Variants in BRF1 observed in about 807,000 individuals in gnomAD.
BRF1 encodes BRF1 general transcription factor IIIB subunit, also known as transcription factor IIIB 90 kDa subunit.
In BRF1, 59 loss-of-function variants were observed where a neutral mutation model predicts 81.7. The ratio of observed to expected loss-of-function variants is 0.72; its 90% CI spans 0.59 to 0.90. The LOEUF (loss-of-function observed/expected upper bound fraction) is 0.90. Among genes scored for constraint, BRF1 ranks in the 40% least tolerant of loss-of-function variants. BRF1 has a pLI of 0.00. For missense variants in BRF1, 1,050 were observed against 936.3 expected (o/e 1.12, Z -1.58); for synonymous variants, 491 against 395.6 (o/e 1.24, Z -2.86).
At chr14:105,249,231 C>T (rs1344353727) in intron 5 of BRF1, 1 of 1,583,658 alleles carries the variant, frequency 6.3e-7, no homozygotes. Flanking sequence ...GCGACCAGGA[C>T]GGTGCCCGCC....
intron 3 of BRF1, among the ~76,000 whole-genome samples, chr14:105,266,648 C>T (rs1271422895): frequency 3.3e-5 from 5 of 152,122 alleles, no homozygotes; most frequent in South Asian, 2.1e-4. Context: ...AAACACCCCT[C>T]CCAGGACAGG....
intron 15 of BRF1, among the ~76,000 whole-genome samples, chr14:105,214,970 C>T (rs758095767): frequency 2.0e-5 from 3 of 152,236 alleles, no homozygotes; most frequent in South Asian, 4.1e-4. Context: ...CCCCTCTCCC[C>T]TGCCCCGCTG....
intron 9 of BRF1, 33 bp downstream of exon 9, chr14:105,226,218 C>G (rs763009684): frequency 6.2e-7 from 1 of 1,613,960 alleles, no homozygotes; most frequent in Non-Finnish European, 8.5e-7. Flanking sequence ...CCCAACAAAA[C>G]AGAAGCATTA....
intron 1 of BRF1, 83 bp from the exon 2 acceptor site, chr14:105,286,459 T>G: frequency 7.0e-7 from 1 of 1,420,598 alleles, no homozygotes; most frequent in Non-Finnish European, 9.7e-7. Context: ...AGACACAAAG[T>G]GAGAACAAAG....
intron 3 of BRF1, among the ~76,000 whole-genome samples, chr14:105,260,923 C>G (rs1313756102): frequency 6.6e-6 from 1 of 152,210 alleles, no homozygotes. Flanking sequence ...CTACTAATGC[C>G]TTTGGGGCCC....
chr14:105,241,774 A>C (rs1456159639), intron 5 of BRF1: 1 of 287,288 alleles, frequency 3.5e-6, no homozygotes, highest in Non-Finnish European at 6.9e-6. Context: ...GGGGACTCTT[A>C]GAGCAAGACA....
chr14:105,274,353 G>GCCGGTCCCCTGGC (rs1401810121), intron 2 of BRF1, among the ~76,000 whole-genome samples: 1 of 152,164 alleles, frequency 6.6e-6, no homozygotes, highest in Non-Finnish European at 1.5e-5. Flanking sequence ...TATGCTGAGT[G>GCCGGTCCCCTGGC]CCGGTCCCCT....
upstream of BRF1, among the ~76,000 whole-genome samples, chr14:105,302,217 T>C (rs1160998774): frequency 6.6e-6 from 1 of 150,820 alleles, no homozygotes; most frequent in Non-Finnish European, 1.5e-5. Flanking sequence ...TTTTTTTTTT[T>C]TTTGAGACGG....
rs1441970236 is a variant in BRF1 at position 105,228,929 on chromosome 14, A to G, written c.695-16T>C. 6.2e-7 allele frequency: 1 copy of G among 1,612,530 alleles called. No individual in the cohort carries two copies. The highest frequency in any genetic ancestry group is 1.3e-5 in the African/African-American group (1 of 75,030). On this transcript the variant is annotated splice_polypyrimidine_tract_variant and intron_variant, in intron 6 of 17. Coordinates refer to ENST00000547530, the MANE Select transcript of BRF1 (RefSeq NM_001519.4). ...ACCAGGAGCGCTGGAAGGCAACGAG[A>G]CGGGCCTCGTCAACCACGGCTGGGA...
At chr14:105,250,417 C>A in intron 5 of BRF1, 1 of 1,613,938 alleles carries the variant, frequency 6.2e-7, no homozygotes, top group Non-Finnish European at 8.5e-7. Flanking sequence ...TGGCTCAGAA[C>A]TTGACCAAGT....
chr14:105,288,993 G>A (rs1012797249), intron 1 of BRF1, among the ~76,000 whole-genome samples: 1 of 145,676 alleles, frequency 6.9e-6, no homozygotes, highest in South Asian at 2.3e-4. Context: ...CTGAGATCGT[G>A]CCACTGCACT....
chr14:105,308,921 C>T (rs2058269842), intron 1 of BRF1, among the ~76,000 whole-genome samples: 1 of 152,030 alleles, frequency 6.6e-6, no homozygotes, highest in Admixed American at 6.6e-5. Context: ...CTACAGTGAG[C>T]CATGATGGCA....
At chr14:105,264,335 G>C (rs769238358) in intron 3 of BRF1, among the ~76,000 whole-genome samples, 7 of 151,434 alleles carry the variant, frequency 4.6e-5, no homozygotes, top group Non-Finnish European at 1.0e-4. Context: ...AGGAGTTCAA[G>C]ACCAGCCTGG....
intron 12 of BRF1, chr14:105,219,678 A>G: frequency 2.5e-6 from 1 of 401,756 alleles, no homozygotes; most frequent in Non-Finnish European, 4.5e-6. Context: ...AACTGCAAAG[A>G]GCTGGTCCCA....
At chr14:105,304,719 G>T (rs55757119), upstream of BRF1, among the ~76,000 whole-genome samples, 14,857 of 152,264 alleles carry the variant, frequency 0.098, 966 homozygotes, top group Non-Finnish European at 0.14. Flanking sequence ...GTAGTTCCAC[G>T]TGGCTGCAGA....
At chr14:105,304,888 G>A (rs1447631846), upstream of BRF1, among the ~76,000 whole-genome samples, 5 of 152,300 alleles carry the variant, frequency 3.3e-5, no homozygotes, top group East Asian at 1.9e-4. Context: ...GGAAAGACCT[G>A]CCCCCATGAT....
At chr14:105,219,523 C>T (rs1891906209) in intron 12 of BRF1, 1 of 561,342 alleles carries the variant, frequency 1.8e-6, no homozygotes, top group East Asian at 3.0e-5. Flanking sequence ...GTGCAGGCCA[C>T]AGGTTCCCAC....
At chr14:105,253,133 G>A (rs925039413) in intron 4 of BRF1, among the ~76,000 whole-genome samples, 9 of 152,244 alleles carry the variant, frequency 5.9e-5, no homozygotes, top group Non-Finnish European at 8.8e-5. Context: ...GGCCCAGACC[G>A]AGAAGGGCAA....
At chr14:105,219,709 T>G in intron 12 of BRF1, 1 of 412,528 alleles carries the variant, frequency 2.4e-6, no homozygotes, top group East Asian at 4.2e-5. Flanking sequence ...GCCCTGGGGT[T>G]TGGGGGCGCA....
Sources: allele counts gnomAD v4.1 joint callset (sites outside exome capture counted in the v4.1 genomes callset), GRCh38; gene constraint gnomAD v4.1.1; transcripts MANE v1.5; gene names NCBI Gene and HGNC (gene_info 2026-07-23, HGNC 2026-07-21).